The following PTPRD variants were observed in gnomAD, a reference collection of about 807,000 sequenced individuals.
PTPRD encodes the protein protein tyrosine phosphatase receptor type D.
A neutral mutation model predicts 214.5 loss-of-function variants in PTPRD; 34 were observed. The observed-to-expected ratio is 0.16, with a 90% confidence interval of 0.12 to 0.21. The LOEUF (loss-of-function observed/expected upper bound fraction) is 0.21. Ranked by LOEUF, PTPRD falls within the 10% of genes least tolerant of loss-of-function variation. The probability of loss-of-function intolerance (pLI) is 1.00; values close to 1 mark genes in which losing one functional copy is unlikely to be tolerated. For synonymous variants in PTPRD, 1,128 were observed against 845.7 expected, an observed-to-expected ratio of 1.33 and a Z score of -5.79; for missense variants, 2,545 against 2,398.7, an observed-to-expected ratio of 1.06 and a Z score of -1.27.
At chr9:9,260,270 G>C (rs1255009407) in intron 9 of PTPRD, among the ~76,000 whole-genome samples, 2 of 151,746 alleles carry the variant, frequency 1.3e-5, no homozygotes, top group Non-Finnish European at 2.9e-5. Flanking sequence ...TTGAAATATG[G>C]AAACATTAAG....
rs1207338854 is a variant in PTPRD, at chr9:9,953,200, T to C, written c.-471-14590A>G. Among the ~76,000 whole-genome samples the C allele has an allele frequency of 1.3e-5, 2 of 152,174 alleles. 1 individual carries two copies. The highest frequency in any genetic ancestry group is 2.9e-5 in the Non-Finnish European group (2 of 68,036). ...GTGTGCAGATATGTGGTTAACATTA[T>C]CCTGGATATTTCTGCAGCAGTAATC... On this transcript the variant is annotated intron_variant, in intron 4 of 45. Coordinates refer to ENST00000381196, the MANE Select transcript of PTPRD (RefSeq NM_002839.4).
intron 11 of PTPRD, among the ~76,000 whole-genome samples, chr9:8,974,417 C>T (rs887420914): frequency 6.6e-6 from 1 of 151,928 alleles, no homozygotes; most frequent in Non-Finnish European, 1.5e-5. Context: ...ATTTATTATA[C>T]TTTAAATTCT....
At chr9:10,523,610 T>TATATATATATATAGATATATATAG (rs2053177945) in intron 2 of PTPRD, among the ~76,000 whole-genome samples, 1 of 95,684 alleles carries the variant, frequency 1.0e-5, no homozygotes, top group South Asian at 2.8e-4. Context: ...TGTATATATA[T>TATATATATATATAGATATATATAG]ATATATATAT....
At position 9,403,945 on chromosome 9, in the gene PTPRD, T is replaced by G. The variant is rs550850459; in HGVS notation, c.-236-6463A>C. Among the ~76,000 whole-genome samples, 14 of 152,194 alleles carry G rather than the reference T, an allele frequency of 9.2e-5. No homozygotes were observed. The South Asian group carries it at 1.5e-3, about 16-fold the overall frequency. ...TCAAAGGAGGAATATTTAGATTGGA[T>G]GGGCAGGCCTGAGCAACACAGAACA... On this transcript the variant is annotated intron_variant, in intron 8 of 45. Coordinates refer to ENST00000381196, the MANE Select transcript of PTPRD (RefSeq NM_002839.4).
At chr9:9,850,530 ATATT>A (rs1259211808) in intron 5 of PTPRD, among the ~76,000 whole-genome samples, 1 of 152,142 alleles carries the variant, frequency 6.6e-6, no homozygotes, top group South Asian at 2.1e-4. Context: ...GGGGAAGAGA[ATATT>A]TAATATTTCA....
At chr9:9,241,234 A>G (rs1355912184) in intron 9 of PTPRD, among the ~76,000 whole-genome samples, 2 of 152,150 alleles carry the variant, frequency 1.3e-5, no homozygotes, top group Non-Finnish European at 2.9e-5. Context: ...ATTTTAAGCT[A>G]TCTATTTGTT....
chr9:9,576,511 C>A (rs1234578855), intron 7 of PTPRD, among the ~76,000 whole-genome samples: 1 of 151,996 alleles, frequency 6.6e-6, no homozygotes, highest in African/African-American at 2.4e-5. Flanking sequence ...GGAGAATCCT[C>A]TCAAAAAAAT....
chr9:10,483,620 T>A (rs145155749), intron 2 of PTPRD, among the ~76,000 whole-genome samples: 1 of 151,980 alleles, frequency 6.6e-6, no homozygotes, highest in Non-Finnish European at 1.5e-5. Flanking sequence ...AGAACATGAA[T>A]AGACATTTCT....
chr9:8,460,617 T>C (rs1188306701), intron 32 of PTPRD, 46 bp from the exon 33 acceptor site: 18 of 1,580,734 alleles, frequency 1.1e-5, no homozygotes, highest in Non-Finnish European at 1.5e-5. Context: ...AATGACTTTC[T>C]AGATAAGTAC....
intron 11 of PTPRD, among the ~76,000 whole-genome samples, chr9:8,989,926 A>T (rs2099359804): frequency 6.6e-6 from 1 of 152,210 alleles, no homozygotes; most frequent in African/African-American, 2.4e-5. Context: ...TCTACATTTT[A>T]AATTACAATA....
chr9:9,913,614 C>A (rs966935149), intron 5 of PTPRD, among the ~76,000 whole-genome samples: 2 of 152,140 alleles, frequency 1.3e-5, no homozygotes, highest in African/African-American at 4.8e-5. Context: ...ATCTCCCCAA[C>A]CCTGATCTAA....
intron 2 of PTPRD, among the ~76,000 whole-genome samples, chr9:10,398,440 C>T (rs1038849298): frequency 2.0e-5 from 3 of 151,712 alleles, no homozygotes; most frequent in African/African-American, 7.3e-5. Context: ...TACTATAACC[C>T]ATAACCCATA....
chr9:8,961,174 G>A (rs548465220), intron 11 of PTPRD, among the ~76,000 whole-genome samples: 1 of 152,062 alleles, frequency 6.6e-6, no homozygotes, highest in African/African-American at 2.4e-5. Flanking sequence ...CTTCAGAGAG[G>A]AGCTACATTG....
intron 4 of PTPRD, among the ~76,000 whole-genome samples, chr9:10,014,596 C>T (rs556727740): frequency 1.1e-4 from 16 of 151,842 alleles, no homozygotes; most frequent in Admixed American, 5.3e-4. Flanking sequence ...GTATATTTTA[C>T]TTTATTGAAA....
chr9:9,088,162 G>A (rs2099770118), intron 10 of PTPRD, among the ~76,000 whole-genome samples: 1 of 150,726 alleles, frequency 6.6e-6, no homozygotes. Context: ...GATTACAGGC[G>A]TGAGCCACTG....
At chr9:10,323,391 C>A (rs935860322) in intron 3 of PTPRD, among the ~76,000 whole-genome samples, 3 of 150,102 alleles carry the variant, frequency 2.0e-5, no homozygotes, top group African/African-American at 7.4e-5. Flanking sequence ...GCCTCCTGGG[C>A]TCTAACAATT....
intron 10 of PTPRD, among the ~76,000 whole-genome samples, chr9:9,157,302 G>A (rs778514170): frequency 4.6e-5 from 7 of 151,784 alleles, no homozygotes; most frequent in Non-Finnish European, 1.0e-4. Flanking sequence ...AAATGAAACA[G>A]AGACCAGAAA....
chr9:9,110,431 C>T (rs1417023226), intron 10 of PTPRD, among the ~76,000 whole-genome samples: 2 of 152,130 alleles, frequency 1.3e-5, no homozygotes, highest in Non-Finnish European at 2.9e-5. Context: ...GACTCTGTTG[C>T]ACACAAAGTC....
intron 4 of PTPRD, among the ~76,000 whole-genome samples, chr9:10,008,514 A>AC (rs2096534048): frequency 6.6e-6 from 1 of 152,056 alleles, no homozygotes; most frequent in South Asian, 2.1e-4. Flanking sequence ...GATATATGTA[A>AC]CATGCATGTT....
Sources: gnomAD v4.1 joint callset for allele counts (sites outside exome capture counted in the v4.1 genomes callset) on GRCh38, gnomAD v4.1.1 for gene constraint, MANE v1.5 for transcripts, NCBI Gene and HGNC (gene_info 2026-07-23, HGNC 2026-07-21) for gene names.